EYS: variants seen among roughly 807,000 people sequenced by gnomAD.
EYS encodes the protein protein eyes shut homolog.
In EYS, 250 loss-of-function variants were observed where a neutral mutation model predicts 282.1. The observed-to-expected ratio is 0.89, with a 90% CI of 0.80 to 0.98. The LOEUF is 0.98. Among genes scored for constraint, EYS ranks in the 50% least tolerant of loss-of-function variants. The pLI, the probability that EYS is intolerant of heterozygous loss-of-function variation, is 0.00. For synonymous variants in EYS, 1,355 were observed against 1,282.9 expected (o/e 1.06, Z -1.20); for missense variants, 4,016 against 3,709.0 (o/e 1.08, Z -2.15).
intron 18 of EYS, among the ~76,000 whole-genome samples, chr6:64,890,646 C>T (rs1310688334): frequency 2.0e-5 from 3 of 152,042 alleles, no homozygotes; most frequent in Non-Finnish European, 4.4e-5. Context: ...AAAAGTTCTG[C>T]TTTTTTGTTT....
At chr6:65,591,652 C>A (rs1318470333) in intron 2 of EYS, among the ~76,000 whole-genome samples, 1 of 151,916 alleles carries the variant, frequency 6.6e-6, no homozygotes, top group Admixed American at 6.6e-5. Flanking sequence ...TTCACCCACA[C>A]ATTATATGCA....
intron 12 of EYS, among the ~76,000 whole-genome samples, chr6:65,289,444 T>A (rs1014096938): frequency 4.0e-5 from 6 of 150,850 alleles, no homozygotes; most frequent in African/African-American, 1.5e-4. Context: ...AAACACTGAG[T>A]TTTTTCTTGA....
chr6:63,904,252 G>T (rs986920329), intron 35 of EYS, among the ~76,000 whole-genome samples: 2 of 152,048 alleles, frequency 1.3e-5, no homozygotes, highest in Non-Finnish European at 2.9e-5. Flanking sequence ...TCCTTGACCC[G>T]AGTTGTTTCC....
chr6:64,128,467 G>T (rs1773857745), intron 31 of EYS, among the ~76,000 whole-genome samples: 1 of 152,058 alleles, frequency 6.6e-6, no homozygotes, highest in African/African-American at 2.4e-5. Context: ...GGCCTGTTCA[G>T]TTCTAATTCT....
intron 6 of EYS, 71 bp downstream of exon 6, chr6:65,405,103 T>A: frequency 9.8e-7 from 1 of 1,025,272 alleles, no homozygotes; most frequent in Non-Finnish European, 1.5e-6. Flanking sequence ...AATTATTTAT[T>A]CTTTTCAAAT....
At chr6:65,321,666 G>A (rs180956919) in intron 11 of EYS, among the ~76,000 whole-genome samples, 3 of 152,288 alleles carry the variant, frequency 2.0e-5, no homozygotes, top group African/African-American at 7.2e-5. Flanking sequence ...CCAGCACTAT[G>A]GTATCATGCC....
rs1766404008 is a variant in EYS, at chr6:64,230,757, C to G, written c.6259G>C (p.Asp2087His). 6.4e-7 allele frequency: 1 copy of G among 1,551,568 alleles called. No homozygotes were observed. The change falls in exon 31 of 43, where the codon GAT becomes CAT. Residue 2087 changes from aspartate to histidine, a missense_variant. Transcript: ENST00000503581. ...VDASDVTQGV[D>H]TMWTSVSPSV... Reference sequence around the variant, plus strand: ...GGGCTGACAGAAGTCCACATGGTATCAACCCCTTGTGTCACATCAGAAGCA... The same window carrying G: ...GGGCTGACAGAAGTCCACATGGTATGAACCCCTTGTGTCACATCAGAAGCA...
chr6:63,863,376 C>T (rs1772582603), intron 36 of EYS, among the ~76,000 whole-genome samples: 1 of 151,976 alleles, frequency 6.6e-6, no homozygotes, highest in Admixed American at 6.6e-5. Flanking sequence ...ACTGAATTTT[C>T]CTAAAGAGAG....
At chr6:64,339,613 G>T (rs1561938848) in intron 29 of EYS, among the ~76,000 whole-genome samples, 1 of 151,856 alleles carries the variant, frequency 6.6e-6, no homozygotes, top group Non-Finnish European at 1.5e-5. Flanking sequence ...ATTTGATCCG[G>T]CAATCCCACT....
Position 65,490,694 on chromosome 6 carries a change from T to C in EYS, c.762A>G (p.Ser254=). 1.2e-6 allele frequency: 2 copies of C among 1,610,420 alleles called. No individual in the cohort carries two copies. Among genetic ancestry groups the C allele is most frequent in the Non-Finnish European group, 1.7e-6 (2 of 1,176,990 alleles). The change falls in exon 5 of 43, where the codon TCA becomes TCG. Residue 254 remains serine, a synonymous_variant. Transcript: ENST00000503581. ...CHPPFTGKNC[S]EIIGQCQPHV... is the part of the protein sequence containing the mutation. ...GTGGTTGACACTGGCCAATTATTTC[T>C]GAGCAATTCTTTCCTATAACAATGA...
chr6:65,424,534 C>T (rs1410155311), intron 5 of EYS, among the ~76,000 whole-genome samples: 2 of 151,848 alleles, frequency 1.3e-5, no homozygotes, highest in Admixed American at 6.6e-5. Context: ...AAATATATTA[C>T]AGATTTTCCA....
chr6:64,120,114 A>G (rs1221082781), intron 31 of EYS, among the ~76,000 whole-genome samples: 2 of 151,752 alleles, frequency 1.3e-5, no homozygotes, highest in Non-Finnish European at 2.9e-5. Flanking sequence ...TTGGGAGGCC[A>G]AGGTGGGCAG....
chr6:63,878,364 G>A (rs1424501155), intron 35 of EYS, among the ~76,000 whole-genome samples: 1 of 152,180 alleles, frequency 6.6e-6, no homozygotes, highest in East Asian at 1.9e-4. Flanking sequence ...GCACCTGGCT[G>A]TATGAGGTGT....
chr6:64,180,218 T>C (rs2150311250), intron 31 of EYS, among the ~76,000 whole-genome samples: 1 of 152,212 alleles, frequency 6.6e-6, no homozygotes, highest in Admixed American at 6.6e-5. Context: ...CCACTCCCTT[T>C]CCCCAAAAGA....
intron 22 of EYS, among the ~76,000 whole-genome samples, chr6:64,799,083 A>G (rs1443300798): frequency 6.6e-6 from 1 of 151,934 alleles, no homozygotes; most frequent in African/African-American, 2.4e-5. Context: ...GGAAAGTTAC[A>G]AACTTCAAAA....
chr6:64,785,594 T>C lies in EYS; in HGVS notation c.3443+27784A>G, dbSNP rs555823920. ...TGTCTTTATCCAAAGAGATTGTTCT[T>C]AGGATCCCAAAATAAACATATTTCA... On this transcript the variant is annotated intron_variant, in intron 22 of 42. Coordinates refer to ENST00000503581, the MANE Select transcript of EYS (RefSeq NM_001142800.2). Among the ~76,000 whole-genome samples the C allele has an allele frequency of 2.0e-5, 3 of 152,346 alleles. No homozygotes were observed. The South Asian group carries it at 6.2e-4, about 32-fold the overall frequency.
chr6:65,642,054 GC>G (rs1767294363), intron 1 of EYS, among the ~76,000 whole-genome samples: 1 of 152,062 alleles, frequency 6.6e-6, no homozygotes, highest in African/African-American at 2.4e-5. Flanking sequence ...AAATAGATTT[GC>G]TTATTTTATC....
At chr6:64,552,633 G>T (rs1328346918) in intron 26 of EYS, among the ~76,000 whole-genome samples, 1 of 152,054 alleles carries the variant, frequency 6.6e-6, no homozygotes, top group Non-Finnish European at 1.5e-5. Flanking sequence ...CTTTGAATTT[G>T]GCCTGGCAAG....
At chr6:65,255,114 C>T (rs190851614) in intron 12 of EYS, among the ~76,000 whole-genome samples, 32 of 151,982 alleles carry the variant, frequency 2.1e-4, no homozygotes, top group Non-Finnish European at 4.4e-4. Context: ...TATCTCATTA[C>T]CTGACTTCAA....
Sources: allele counts gnomAD v4.1 joint callset (sites outside exome capture counted in the v4.1 genomes callset), GRCh38; gene constraint gnomAD v4.1.1; transcripts MANE v1.5; gene names NCBI Gene and HGNC (gene_info 2026-07-23, HGNC 2026-07-21).